TCF7L2: variants seen among roughly 807,000 people sequenced by gnomAD.
The protein encoded by TCF7L2 is transcription factor 7-like 2.
Under a neutral mutation model 77.9 loss-of-function variants are expected in TCF7L2, and 23 were observed. The ratio of observed to expected loss-of-function variants is 0.30; its 90% CI spans 0.21 to 0.42. TCF7L2 has a LOEUF of 0.42. Ranked by LOEUF, TCF7L2 falls within the 10% of genes least tolerant of loss-of-function variation. The probability of loss-of-function intolerance (pLI) is 1.00; values close to 1 mark genes in which losing one functional copy is unlikely to be tolerated. For missense variants in TCF7L2, 654 were observed against 793.1 expected (o/e 0.82, Z 2.11); for synonymous variants, 413 against 340.2 (o/e 1.21, Z -2.36).
chr10:113,144,080 T>A, intron 7 of TCF7L2, 55 bp downstream of exon 7: 1 of 1,406,198 alleles, frequency 7.1e-7, no homozygotes, highest in South Asian at 1.2e-5. Flanking sequence ...GCATGTTTAT[T>A]ATTTATTCTG....
At chr10:113,149,820 T>A (rs868662304) in intron 8 of TCF7L2, among the ~76,000 whole-genome samples, 1 of 152,336 alleles carries the variant, frequency 6.6e-6, no homozygotes, top group Middle Eastern at 3.4e-3. Context: ...ATCTGCTCAC[T>A]TGAATCACCT....
At chr10:113,144,693 G>T (rs140509236) in intron 7 of TCF7L2, among the ~76,000 whole-genome samples, 1 of 152,134 alleles carries the variant, frequency 6.6e-6, no homozygotes, top group Non-Finnish European at 1.5e-5. Context: ...TGGGAATGGG[G>T]CATTTGGAAC....
intron 5 of TCF7L2, among the ~76,000 whole-genome samples, chr10:113,062,985 G>T (rs1342627804): frequency 1.3e-5 from 2 of 152,178 alleles, no homozygotes; most frequent in Non-Finnish European, 2.9e-5. Flanking sequence ...TGTGCATCAG[G>T]TCTCTCATTT....
In TCF7L2 at chr10:113,027,784, C is replaced by G. The variant is rs1381163804; in HGVS notation, c.451-12241C>G. Among the ~76,000 whole-genome samples the G allele has an allele frequency of 2.6e-5, 4 of 151,730 alleles. No individual in the cohort carries two copies. The East Asian group carries it at 5.8e-4, about 22-fold the overall frequency. ...CCTCCCTCTCCTCTTCTCTCCCCCC[C>G]TCACCCTATTCAACCCAGCCCCACA... On this transcript the variant is annotated intron_variant, in intron 4 of 13. Transcript: ENST00000627217.
intron 5 of TCF7L2, among the ~76,000 whole-genome samples, chr10:113,067,040 C>T (rs886594918): frequency 6.6e-6 from 1 of 152,216 alleles, no homozygotes; most frequent in Non-Finnish European, 1.5e-5. Context: ...GAATGGGCAA[C>T]TGCACATTAA....
At chr10:113,142,524 T>G (rs2068557692) in intron 6 of TCF7L2, among the ~76,000 whole-genome samples, 1 of 152,216 alleles carries the variant, frequency 6.6e-6, no homozygotes, top group African/African-American at 2.4e-5. Flanking sequence ...AAGGATGGGT[T>G]TAAAGTGGTG....
intron 4 of TCF7L2, among the ~76,000 whole-genome samples, chr10:113,007,054 A>G (rs1176669995): frequency 6.6e-6 from 1 of 152,224 alleles, no homozygotes; most frequent in East Asian, 1.9e-4. Context: ...CAGCATTGGC[A>G]TCTCTGTCCT....
At chr10:112,958,727 G>T (rs1276732261) in intron 3 of TCF7L2, among the ~76,000 whole-genome samples, 1 of 152,122 alleles carries the variant, frequency 6.6e-6, no homozygotes, top group African/African-American at 2.4e-5. Context: ...GATTTGTGTG[G>T]GTCTTTGGGT....
chr10:113,029,769 T>C (rs2049894037), intron 4 of TCF7L2, among the ~76,000 whole-genome samples: 1 of 152,060 alleles, frequency 6.6e-6, no homozygotes, highest in South Asian at 2.1e-4. Flanking sequence ...CCTCAGGTGA[T>C]CCAACCGCCT....
intron 4 of TCF7L2, among the ~76,000 whole-genome samples, chr10:113,033,127 T>G (rs1035172315): frequency 1.3e-5 from 2 of 152,114 alleles, no homozygotes; most frequent in Non-Finnish European, 2.9e-5. Flanking sequence ...ATATCTTACT[T>G]AAATCTTTTT....
At chr10:112,976,380 CCT>C (rs1291771195) in intron 4 of TCF7L2, among the ~76,000 whole-genome samples, 4 of 152,158 alleles carry the variant, frequency 2.6e-5, no homozygotes, top group Admixed American at 2.6e-4. Flanking sequence ...ATTTATGACT[CCT>C]ATTCCTGTTG....
intron 4 of TCF7L2, among the ~76,000 whole-genome samples, chr10:113,028,334 C>G (rs1279279071): frequency 6.6e-6 from 1 of 152,122 alleles, no homozygotes; most frequent in African/African-American, 2.4e-5. Context: ...CGTGGGGCCT[C>G]CAGAAGGTCA....
intron 4 of TCF7L2, among the ~76,000 whole-genome samples, chr10:112,972,555 G>T (rs7897658): frequency 6.6e-6 from 1 of 151,922 alleles, no homozygotes; most frequent in Non-Finnish European, 1.5e-5. Flanking sequence ...CTGCAGCCTC[G>T]ACCTCCCTGG....
chr10:113,163,096 C>T (rs1237437467), intron 13 of TCF7L2, among the ~76,000 whole-genome samples: 2 of 152,076 alleles, frequency 1.3e-5, no homozygotes, highest in Non-Finnish European at 2.9e-5. Flanking sequence ...GTGCCAGCTG[C>T]CCTGTGCTCA....
chr10:113,132,273 G>T (rs2066720859), intron 5 of TCF7L2, among the ~76,000 whole-genome samples: 1 of 152,220 alleles, frequency 6.6e-6, no homozygotes, highest in South Asian at 2.1e-4. Flanking sequence ...GCTTTTCTCA[G>T]ACTCCATGGA....
chr10:112,974,738 C>T (rs756850989), intron 4 of TCF7L2, among the ~76,000 whole-genome samples: 31 of 152,238 alleles, frequency 2.0e-4, no homozygotes, highest in Non-Finnish European at 3.5e-4. Context: ...CCACCGCGCC[C>T]GGCTGTCTGC....
intron 3 of TCF7L2, among the ~76,000 whole-genome samples, chr10:112,953,659 A>G (rs1274216841): frequency 1.3e-5 from 2 of 152,204 alleles, no homozygotes; most frequent in Non-Finnish European, 2.9e-5. Context: ...CAATCTTGCC[A>G]TCCCTTCTCA....
At chr10:113,141,435 T>TG (rs55638532) in intron 6 of TCF7L2, 119 bp downstream of exon 6, 45 of 1,408,066 alleles carry the variant, frequency 3.2e-5, no homozygotes, top group African/African-American at 2.4e-4. Flanking sequence ...GGAACGGTGG[T>TG]GGGGGGGCCC....
intron 5 of TCF7L2, among the ~76,000 whole-genome samples, chr10:113,138,444 A>G (rs1364404801): frequency 6.6e-6 from 1 of 151,972 alleles, no homozygotes; most frequent in Non-Finnish European, 1.5e-5. Context: ...CACTCAGTTA[A>G]CTCCATTATT....
Sources: gnomAD v4.1 joint callset for allele counts (sites outside exome capture counted in the v4.1 genomes callset) on GRCh38, gnomAD v4.1.1 for gene constraint, MANE v1.5 for transcripts, NCBI Gene and HGNC (gene_info 2026-07-23, HGNC 2026-07-21) for gene names.